CYP2C8: variants seen among roughly 807,000 people sequenced by gnomAD.
The protein encoded by CYP2C8 is cytochrome P450 2C8.
A neutral mutation model predicts 41.3 loss-of-function variants in CYP2C8; 51 were observed. The observed-to-expected ratio is 1.24, with a 90% CI of 0.99 to 1.56. The LOEUF (loss-of-function observed/expected upper bound fraction) is 1.56. Among genes scored for constraint, CYP2C8 ranks in the 40% most tolerant of loss-of-function variants. The pLI, the probability that CYP2C8 is intolerant of heterozygous loss-of-function variation, is 0.00. For synonymous variants in CYP2C8, 218 were observed against 205.8 expected (o/e 1.06, Z -0.51); for missense variants, 651 against 579.9 (o/e 1.12, Z -1.26).
Position 95,042,944 on chromosome 10 carries a change from A to G in CYP2C8, c.1095T>C (p.Gly365=). The G allele has an allele frequency of 1.2e-6, 2 of 1,614,174 alleles. No homozygotes were observed. Among genetic ancestry groups the G allele is most frequent in the Non-Finnish European group, 1.7e-6 (2 of 1,180,000 alleles). Residue 365 remains glycine, a synonymous_variant, in exon 7 of 9, where the codon GGT becomes GGC. Coordinates refer to ENST00000371270, the MANE Select transcript of CYP2C8 (RefSeq NM_000770.3). ...TATCAGTGGTCACTGCATGGGGCACACCGGTGGGGACAAGGTCACTGTATC... is the reference window on the plus strand; with the variant it reads ...TATCAGTGGTCACTGCATGGGGCACGCCGGTGGGGACAAGGTCACTGTATC... ...IQRYSDLVPT[G]VPHAVTTDTK...
intron 6 of CYP2C8, among the ~76,000 whole-genome samples, chr10:95,044,054 C>T (rs964137620): frequency 6.6e-6 from 1 of 152,190 alleles, no homozygotes; most frequent in Non-Finnish European, 1.5e-5. Context: ...GTCTCCTCTA[C>T]ATGTATTATT....
rs183041599 is a variant in CYP2C8 at position 95,062,317 on chromosome 10, G to A, written c.642+2483C>T. 3.1e-3 allele frequency among the ~76,000 whole-genome samples: 473 copies of A among 152,164 alleles called. 3 individuals are homozygous for A. The highest frequency in any genetic ancestry group is 0.011 in the African/African-American group (449 of 41,514). ...TCTAAGGACTTGCTTGATGAGTCTG[G>A]GTGCTCCTGTATTGGGTGCATATAT... On this transcript the variant is annotated intron_variant, in intron 4 of 8. Transcript: ENST00000371270.
At chr10:95,051,707 T>C (rs1333279168) in intron 5 of CYP2C8, among the ~76,000 whole-genome samples, 2 of 152,116 alleles carry the variant, frequency 1.3e-5, no homozygotes, top group Non-Finnish European at 2.9e-5. Flanking sequence ...AACAATATGC[T>C]TCTGAGTGAA....
At chr10:95,049,585 A>G (rs1157438512) in intron 5 of CYP2C8, among the ~76,000 whole-genome samples, 1 of 152,146 alleles carries the variant, frequency 6.6e-6, no homozygotes, top group Non-Finnish European at 1.5e-5. Context: ...AATCTCTGAT[A>G]CCAGTGGTTG....
At position 95,044,013 on chromosome 10, in the gene CYP2C8, G is replaced by A. The variant is rs547803822; in HGVS notation, c.962-936C>T. ...ATTTCCCAATTATAGGGAAATCTCA[G>A]ACTATCAATCACATCTCTTTGATTC... On this transcript the variant is annotated intron_variant, in intron 6 of 8. Coordinates refer to ENST00000371270, the MANE Select transcript of CYP2C8 (RefSeq NM_000770.3). Among the ~76,000 whole-genome samples, 4 of 152,224 alleles carry A rather than the reference G, an allele frequency of 2.6e-5. No homozygotes were observed. The South Asian group carries it at 8.3e-4, about 32-fold the overall frequency.
At position 95,067,708 on chromosome 10, in the gene CYP2C8, A is replaced by G; in HGVS notation, c.169-17T>C. ...TTTTGAGAACTGGGAAAGGAAATGC[A>G]AATAGCAGCAAAATAAGTCGCTATT... On this transcript the variant is annotated splice_polypyrimidine_tract_variant and intron_variant, in intron 1 of 8. Coordinates refer to ENST00000371270, the MANE Select transcript of CYP2C8 (RefSeq NM_000770.3). The G allele has an allele frequency of 1.9e-6, 3 of 1,613,656 alleles. No homozygotes were observed. The highest frequency in any genetic ancestry group is 2.5e-6 in the Non-Finnish European group (3 of 1,179,662).
At position 95,039,023 on chromosome 10, in the gene CYP2C8, C is replaced by A. The variant is rs267602641; in HGVS notation, c.1165G>T (p.Ala389Ser). The A allele has an allele frequency of 1.9e-6, 3 of 1,613,440 alleles. No individual in the cohort carries two copies. The highest frequency in any genetic ancestry group is 2.7e-5 in the African/African-American group (2 of 74,878). Reference sequence around the variant, plus strand: ...TCATGTAGCACGGAAGTCAGTAATGCCATTATGGTTGTGCCCTGGAAGTAA... The same window carrying A: ...TCATGTAGCACGGAAGTCAGTAATGACATTATGGTTGTGCCCTGGAAGTAA... The part of the protein sequence containing the change: ...YLIPKGTTIM[A>S]LLTSVLHDDK... Residue 389 changes from alanine (A) to serine (S), a missense_variant, in exon 8 of 9, where the codon GCA (alanine) becomes TCA (serine). Transcript: ENST00000371270.
At chr10:95,046,188 A>G (rs1019790452) in intron 5 of CYP2C8, among the ~76,000 whole-genome samples, 5 of 152,210 alleles carry the variant, frequency 3.3e-5, no homozygotes, top group Non-Finnish European at 7.3e-5. Flanking sequence ...GGTTAGTCAC[A>G]CAGAATATTT....
At chr10:95,038,524 T>C (rs1158375454) in intron 8 of CYP2C8, among the ~76,000 whole-genome samples, 1 of 152,148 alleles carries the variant, frequency 6.6e-6, no homozygotes, top group Non-Finnish European at 1.5e-5. Flanking sequence ...ACAGACACCA[T>C]GTAGAAGACA....
At chr10:95,051,288 G>A (rs1113129) in intron 5 of CYP2C8, among the ~76,000 whole-genome samples, 2 of 151,860 alleles carry the variant, frequency 1.3e-5, no homozygotes, top group African/African-American at 4.8e-5. Flanking sequence ...TTTAACACAA[G>A]CTATTTGAAA....
chr10:95,069,202 G>A, intron 1 of CYP2C8, 33 bp downstream of exon 1: 1 of 1,612,688 alleles, frequency 6.2e-7, no homozygotes, highest in Non-Finnish European at 8.5e-7. Flanking sequence ...CTTACCCTTT[G>A]CAATTGGCTG....
At chr10:95,067,388 A>T (rs376330415) in intron 2 of CYP2C8, 31 bp from the exon 3 acceptor site, 3 of 1,614,040 alleles carry the variant, frequency 1.9e-6, no homozygotes, top group Non-Finnish European at 2.5e-6. Flanking sequence ...AACTGGGAGA[A>T]TTCACAGCCA....
intron 4 of CYP2C8, among the ~76,000 whole-genome samples, chr10:95,061,384 G>C (rs936924150): frequency 1.3e-5 from 2 of 151,930 alleles, no homozygotes; most frequent in African/African-American, 4.8e-5. Context: ...GTGTATGTGT[G>C]GAGAAATTTA....
intron 8 of CYP2C8, 53 bp from the exon 9 acceptor site, chr10:95,037,362 T>TTTGTCACA: frequency 6.6e-7 from 1 of 1,506,626 alleles, no homozygotes; most frequent in Non-Finnish European, 9.2e-7. Flanking sequence ...ACTGTGACTG[T>TTTGTCACA]GACAAACAGT....
intron 7 of CYP2C8, among the ~76,000 whole-genome samples, chr10:95,041,464 A>G (rs1344722647): frequency 6.6e-6 from 1 of 152,234 alleles, no homozygotes. Flanking sequence ...TAGAACAGCC[A>G]GAAGGAAGTT....
chr10:95,040,993 A>T, intron 7 of CYP2C8: 1 of 456,296 alleles, frequency 2.2e-6, no homozygotes, highest in Non-Finnish European at 4.4e-6. Context: ...GAAAAATTGC[A>T]GACCAAAATA....
chr10:95,058,453 A>G lies in CYP2C8; in HGVS notation c.701T>C (p.Leu234Pro). ...ACTTCGTGTAAGAGCAACATTTTTA[A>G]GCACTTTGTTGTGAGTTCCTGGGAA... ...DCFPGTHNKV[L>P]KNVALTRSYI... Residue 234 changes from leucine to proline, a missense_variant, in exon 5 of 9, where the codon CTT becomes CCT. Transcript: ENST00000371270. 6.2e-7 allele frequency: 1 copy of G among 1,613,406 alleles called. No homozygotes were observed. Among genetic ancestry groups the G allele is most frequent in the African/African-American group, 1.3e-5 (1 of 75,010 alleles).
intron 4 of CYP2C8, among the ~76,000 whole-genome samples, chr10:95,060,777 G>C (rs964215094): frequency 2.6e-5 from 4 of 152,032 alleles, no homozygotes; most frequent in African/African-American, 9.7e-5. Context: ...ACTGGCTGTG[G>C]GTTTGTCATA....
At position 95,039,121 on chromosome 10, in the gene CYP2C8, C is replaced by T. The variant is rs764278775; in HGVS notation, c.1150-83G>A. 4.7e-6 allele frequency: 6 copies of T among 1,286,584 alleles called. No individual in the cohort carries two copies. The East Asian group carries it at 7.0e-5, about 15-fold the overall frequency. The allele number at this position is 1,286,584 out of a possible 1,614,324, so 79.7% of individuals were successfully genotyped here. A position where few individuals can be genotyped will look rare whatever the true frequency, so the allele number is the denominator to read the frequency against. On this transcript the variant is annotated intron_variant, in intron 7 of 8. Transcript: ENST00000371270. ...TAGTGGACATCACGTAGCGCCATAA[C>T]GTTGATCTATAGATGAGGAAACTCA...
Sources: allele counts gnomAD v4.1 joint callset (sites outside exome capture counted in the v4.1 genomes callset), GRCh38; gene constraint gnomAD v4.1.1; transcripts MANE v1.5; gene names NCBI Gene and HGNC (gene_info 2026-07-23, HGNC 2026-07-21).